The following SH3RF3 variants were observed in gnomAD, a reference collection of about 807,000 sequenced individuals.
SH3RF3 encodes SH3 domain containing ring finger 3.
A neutral mutation model predicts 66.3 loss-of-function variants in SH3RF3; 29 were observed. The observed-to-expected ratio is 0.44, with a 90% CI of 0.33 to 0.60. The LOEUF is 0.60. Among genes scored for constraint, SH3RF3 ranks in the 20% least tolerant of loss-of-function variants. The probability of loss-of-function intolerance (pLI) is 0.04; values close to 1 mark genes in which losing one functional copy is unlikely to be tolerated. For synonymous variants in SH3RF3, 583 were observed against 532.0 expected, an observed-to-expected ratio of 1.10 and a Z score of -1.32; for missense variants, 1,194 against 1,190.9, an observed-to-expected ratio of 1.00 and a Z score of -0.04.
intron 1 of SH3RF3, among the ~76,000 whole-genome samples, chr2:109,188,072 T>G (rs894701743): frequency 6.6e-6 from 1 of 152,140 alleles, no homozygotes; most frequent in African/African-American, 2.4e-5. Context: ...GCGTAGTGAG[T>G]GGTCCCGAAC....
chr2:109,283,234 G>A (rs927436311), intron 1 of SH3RF3, among the ~76,000 whole-genome samples: 3 of 152,290 alleles, frequency 2.0e-5, no homozygotes, highest in South Asian at 2.1e-4. Context: ...GCAGTCTCCC[G>A]CTCTGGGTGC....
At chr2:109,314,982 G>A (rs760368150) in intron 1 of SH3RF3, among the ~76,000 whole-genome samples, 2 of 152,154 alleles carry the variant, frequency 1.3e-5, no homozygotes, top group Non-Finnish European at 2.9e-5. Flanking sequence ...CCCCCAGCAG[G>A]CATTCCAGAG....
chr2:109,490,027 C>G (rs867237566), intron 8 of SH3RF3, among the ~76,000 whole-genome samples: 2 of 152,176 alleles, frequency 1.3e-5, no homozygotes, highest in South Asian at 4.1e-4. Flanking sequence ...CATGAGCCAC[C>G]GTGCCCAGCC....
intron 1 of SH3RF3, among the ~76,000 whole-genome samples, chr2:109,218,260 G>A (rs1679148443): frequency 6.6e-6 from 1 of 152,158 alleles, no homozygotes; most frequent in Non-Finnish European, 1.5e-5. Context: ...AGACATTTCA[G>A]TATTTATTTG....
chr2:109,326,374 T>C (rs970949106), intron 1 of SH3RF3, among the ~76,000 whole-genome samples: 10 of 152,210 alleles, frequency 6.6e-5, no homozygotes, highest in African/African-American at 2.4e-4. Context: ...TTTTTAATGT[T>C]CATGTAGAAG....
At chr2:109,486,529 T>C (rs1279740411) in intron 8 of SH3RF3, among the ~76,000 whole-genome samples, 1 of 152,198 alleles carries the variant, frequency 6.6e-6, no homozygotes, top group East Asian at 1.9e-4. Flanking sequence ...AACAGCAACA[T>C]AATCACCAGA....
At chr2:109,366,726 G>A (rs1031645530) in intron 2 of SH3RF3, among the ~76,000 whole-genome samples, 2 of 152,116 alleles carry the variant, frequency 1.3e-5, no homozygotes, top group African/African-American at 2.4e-5. Context: ...GGTGGCACAC[G>A]CCTGTGGTCC....
chr2:109,157,756 C>G (rs1426787461), intron 1 of SH3RF3, among the ~76,000 whole-genome samples: 1 of 152,158 alleles, frequency 6.6e-6, no homozygotes, highest in Non-Finnish European at 1.5e-5. Flanking sequence ...TTGATGTCAT[C>G]AACAGGGACT....
intron 1 of SH3RF3, among the ~76,000 whole-genome samples, chr2:109,338,709 C>T (rs182222735): frequency 1.3e-5 from 2 of 152,294 alleles, no homozygotes; most frequent in African/African-American, 4.8e-5. Context: ...AGGCATGCGC[C>T]ACCACGCCCG....
chr2:109,326,246 T>C (rs930632752), intron 1 of SH3RF3, among the ~76,000 whole-genome samples: 1 of 152,278 alleles, frequency 6.6e-6, no homozygotes, highest in Non-Finnish European at 1.5e-5. Context: ...GCTGTGTTGA[T>C]GTACATAGAT....
At chr2:109,370,190 G>GGTCTCT (rs10625245) in intron 2 of SH3RF3, among the ~76,000 whole-genome samples, 25,351 of 147,228 alleles carry the variant, frequency 0.17, 3,190 homozygotes, top group East Asian at 0.7. Context: ...TTGCTGTGGT[G>GGTCTCT]GTCTCTGTCT....
chr2:109,202,994 G>C (rs6542804), intron 1 of SH3RF3, among the ~76,000 whole-genome samples: 130,783 of 152,244 alleles, frequency 0.86, 56,328 homozygotes, highest in African/African-American at 0.91. Context: ...GCCTAACAAG[G>C]TAACACTTGG....
chr2:109,326,975 T>C (rs1682175694), intron 1 of SH3RF3, among the ~76,000 whole-genome samples: 1 of 152,236 alleles, frequency 6.6e-6, no homozygotes, highest in Admixed American at 6.5e-5. Context: ...TGCTAATACC[T>C]TGTTTCTGCA....
At chr2:109,314,852 A>G (rs1681834066) in intron 1 of SH3RF3, among the ~76,000 whole-genome samples, 1 of 152,256 alleles carries the variant, frequency 6.6e-6, no homozygotes, top group Admixed American at 6.5e-5. Flanking sequence ...CCACCAAAAT[A>G]TTAGAGGAGA....
intron 2 of SH3RF3, among the ~76,000 whole-genome samples, chr2:109,370,190 GGTCTCT>G (rs10625245): frequency 0.35 from 51,755 of 147,144 alleles, 10,014 homozygotes; most frequent in South Asian, 0.45. Flanking sequence ...TTGCTGTGGT[GGTCTCT>G]GTCTCTGTCT....
chr2:109,474,061 GT>G (rs1678607235), intron 8 of SH3RF3, among the ~76,000 whole-genome samples: 1 of 152,164 alleles, frequency 6.6e-6, no homozygotes, highest in African/African-American at 2.4e-5. Context: ...CTCACCTTTG[GT>G]TTGGGGGTTC....
intron 8 of SH3RF3, among the ~76,000 whole-genome samples, chr2:109,460,414 T>C (rs957722483): frequency 1.1e-4 from 17 of 152,154 alleles, no homozygotes; most frequent in African/African-American, 3.9e-4. Context: ...TGCTGGTGGA[T>C]TGGACACAGT....
Position 109,490,702 on chromosome 2 carries a change from A to C in SH3RF3, c.2246A>C (p.Gln749Pro). Residue 749 changes from glutamine to proline, a missense_variant, in exon 9 of 10, where the codon CAG becomes CCG. Physicochemically the swap from Gln to Pro is moderately conservative, Grantham distance 76. Transcript: ENST00000309415. The part of the protein sequence containing the change: ...PPSVSPTHDP[Q>P]VAVDALLQGA... The stretch of plus-strand genomic sequence containing the variant: ...TCTGTGTCTCCAACCCACGACCCCC[A>C]GGTGGCCGTGGACGCCCTGCTCCAA... 1 of 1,533,300 alleles carries C rather than the reference A, an allele frequency of 6.5e-7. No individual in the cohort carries two copies. The highest frequency in any genetic ancestry group is 8.7e-7 in the Non-Finnish European group (1 of 1,144,190). The allele number at this position is 1,533,300 out of a possible 1,614,324, so 95.0% of individuals were successfully genotyped here.
At chr2:109,471,206 CAAAAA>C (rs61224177) in intron 8 of SH3RF3, among the ~76,000 whole-genome samples, 17 of 40,164 alleles carry the variant, frequency 4.2e-4, no homozygotes, top group African/African-American at 8.8e-4. Context: ...GACTCTGTCT[CAAAAA>C]AAAAAAAAAA....
Sources: allele counts gnomAD v4.1 joint callset (sites outside exome capture counted in the v4.1 genomes callset), GRCh38; gene constraint gnomAD v4.1.1; transcripts MANE v1.5; gene names NCBI Gene and HGNC (gene_info 2026-07-23, HGNC 2026-07-21).